Variants in NRXN3 observed in about 807,000 individuals in gnomAD.
NRXN3 encodes the protein neurexin 3, also known as neurexin III.
Under a neutral mutation model 137.6 loss-of-function variants are expected in NRXN3, and 32 were observed. The observed-to-expected ratio is 0.23, with a 90% confidence interval of 0.18 to 0.31. The LOEUF is 0.31. NRXN3 is among the 10% of genes least tolerant of loss of function. The probability of loss-of-function intolerance (pLI) is 1.00; values close to 1 mark genes in which losing one functional copy is unlikely to be tolerated. For synonymous variants in NRXN3, 798 were observed against 784.5 expected, an observed-to-expected ratio of 1.02 and a Z score of -0.29; for missense variants, 1,574 against 2,062.5, an observed-to-expected ratio of 0.76 and a Z score of 4.59.
intron 8 of NRXN3, among the ~76,000 whole-genome samples, chr14:78,728,898 C>G (rs2098500675): frequency 6.6e-6 from 1 of 152,126 alleles, no homozygotes; most frequent in Non-Finnish European, 1.5e-5. Flanking sequence ...GACTCCATCT[C>G]AAAAACAAAC....
chr14:78,579,028 TCAGA>T (rs2096965155), intron 4 of NRXN3, among the ~76,000 whole-genome samples: 1 of 152,242 alleles, frequency 6.6e-6, no homozygotes, highest in South Asian at 2.1e-4. Flanking sequence ...ATTATAGAAT[TCAGA>T]CAGAGACTTT....
At chr14:79,046,714 C>T (rs1334062076) in intron 15 of NRXN3, among the ~76,000 whole-genome samples, 1 of 152,082 alleles carries the variant, frequency 6.6e-6, no homozygotes, top group Admixed American at 6.5e-5. Flanking sequence ...ATATCCTCCT[C>T]TATAAAAACC....
intron 16 of NRXN3, among the ~76,000 whole-genome samples, chr14:79,560,580 G>T (rs1487048055): frequency 7.5e-6 from 1 of 133,724 alleles, no homozygotes; most frequent in East Asian, 2.3e-4. Context: ...GCACAATCTC[G>T]GCTCACTGCA....
At chr14:79,718,477 T>A (rs886873895) in intron 19 of NRXN3, among the ~76,000 whole-genome samples, 9 of 152,228 alleles carry the variant, frequency 5.9e-5, no homozygotes, top group African/African-American at 2.2e-4. Context: ...TGACTTATGT[T>A]TTTTAAAGAT....
intron 4 of NRXN3, 123 bp downstream of exon 4, chr14:78,297,983 C>G: frequency 8.4e-7 from 1 of 1,189,014 alleles, no homozygotes; most frequent in South Asian, 1.4e-5. Flanking sequence ...TGCGCTGGGC[C>G]AGGCTGGCTG....
intron 15 of NRXN3, among the ~76,000 whole-genome samples, chr14:79,378,984 C>T (rs1195392419): frequency 6.6e-6 from 1 of 151,872 alleles, no homozygotes; most frequent in Non-Finnish European, 1.5e-5. Context: ...TAAAGAAGTA[C>T]TTCATACGTT....
chr14:78,731,521 T>A (rs929869403), intron 8 of NRXN3, among the ~76,000 whole-genome samples: 2 of 151,874 alleles, frequency 1.3e-5, no homozygotes, highest in Non-Finnish European at 2.9e-5. Context: ...ATAAATATAA[T>A]TGAGCATAAC....
intron 4 of NRXN3, among the ~76,000 whole-genome samples, chr14:78,441,736 C>T (rs2094256625): frequency 6.6e-6 from 1 of 152,084 alleles, no homozygotes; most frequent in Admixed American, 6.6e-5. Context: ...AGTTAAGGAT[C>T]TTGAGAAGAT....
At chr14:79,691,758 T>C (rs1005691289) in intron 17 of NRXN3, among the ~76,000 whole-genome samples, 3 of 152,026 alleles carry the variant, frequency 2.0e-5, no homozygotes, top group Admixed American at 6.6e-5. Context: ...AGATTAATAG[T>C]GCAGCTTGCG....
chr14:78,532,332 A>AG (rs1189316425), intron 4 of NRXN3, among the ~76,000 whole-genome samples: 21 of 151,566 alleles, frequency 1.4e-4, no homozygotes, highest in South Asian at 1.0e-3. Context: ...AAAAGAAAAA[A>AG]AAAAAGAAAA....
intron 15 of NRXN3, among the ~76,000 whole-genome samples, chr14:79,316,068 G>A (rs1053846394): frequency 6.6e-5 from 10 of 152,190 alleles, no homozygotes; most frequent in African/African-American, 2.4e-4. Flanking sequence ...CCTTACTTCA[G>A]TGCTGGGACT....
intron 16 of NRXN3, among the ~76,000 whole-genome samples, chr14:79,508,523 G>A (rs1032927498): frequency 3.3e-5 from 5 of 150,730 alleles, no homozygotes; most frequent in Admixed American, 2.7e-4. Context: ...CCAAGTAACT[G>A]GGATTACAGG....
At chr14:78,421,261 C>CAAAAAAAAA (rs34046580) in intron 4 of NRXN3, among the ~76,000 whole-genome samples, 1 of 116,080 alleles carries the variant, frequency 8.6e-6, no homozygotes, top group African/African-American at 3.4e-5. Flanking sequence ...GACTCCATCT[C>CAAAAAAAAA]AAAAAAAAAA....
At chr14:78,578,021 A>G (rs1244808139) in intron 4 of NRXN3, among the ~76,000 whole-genome samples, 1 of 152,190 alleles carries the variant, frequency 6.6e-6, no homozygotes, top group African/African-American at 2.4e-5. Flanking sequence ...TAAATGATTG[A>G]GTCATCTAAG....
At chr14:78,549,620 TA>T (rs1465261012) in intron 4 of NRXN3, among the ~76,000 whole-genome samples, 4 of 152,184 alleles carry the variant, frequency 2.6e-5, no homozygotes, top group Non-Finnish European at 5.9e-5. Flanking sequence ...ATTTTTTGAA[TA>T]AAAAAATAAA....
chr14:79,672,791 C>T (rs1374617064), intron 17 of NRXN3, among the ~76,000 whole-genome samples: 1 of 152,024 alleles, frequency 6.6e-6, no homozygotes, highest in Non-Finnish European at 1.5e-5. Flanking sequence ...CACCAAGTGT[C>T]CTACCACCCA....
intron 16 of NRXN3, among the ~76,000 whole-genome samples, chr14:79,570,127 T>C (rs1342633787): frequency 6.6e-6 from 1 of 152,146 alleles, no homozygotes; most frequent in Non-Finnish European, 1.5e-5. Context: ...CACTGTGTCA[T>C]TTCTAGGAGG....
intron 15 of NRXN3, among the ~76,000 whole-genome samples, chr14:79,260,321 A>G (rs144640262): frequency 9.7e-4 from 148 of 152,294 alleles, no homozygotes; most frequent in Middle Eastern, 3.4e-3. Flanking sequence ...AAGAATTGTT[A>G]AAAAGGCAGA....
intron 15 of NRXN3, among the ~76,000 whole-genome samples, chr14:79,405,799 C>T (rs894258159): frequency 2.6e-5 from 4 of 152,186 alleles, no homozygotes; most frequent in East Asian, 1.9e-4. Context: ...ATGAGGGAAC[C>T]TTTGTCTTCT....
Sources: allele counts gnomAD v4.1 joint callset (sites outside exome capture counted in the v4.1 genomes callset), GRCh38; gene constraint gnomAD v4.1.1; transcripts MANE v1.5; gene names NCBI Gene and HGNC (gene_info 2026-07-23, HGNC 2026-07-21).